Variants in RPS6KC1 observed in about 807,000 individuals in gnomAD.
The protein encoded by RPS6KC1 is ribosomal protein S6 kinase C1.
RPS6KC1 carries 54 observed loss-of-function variants against 103.8 expected under a neutral mutation model. That is an observed-to-expected ratio of 0.52 (90% CI 0.42 to 0.65). The LOEUF (loss-of-function observed/expected upper bound fraction) is 0.65, where lower values mean the gene tolerates loss of function less well. Among genes scored for constraint, RPS6KC1 ranks in the 30% least tolerant of loss-of-function variants. The pLI is 0.00. For missense variants in RPS6KC1, 1,151 were observed against 1,253.8 expected, an observed-to-expected ratio of 0.92 and a Z score of 1.24; for synonymous variants, 439 against 438.7, an observed-to-expected ratio of 1.00 and a Z score of -0.01.
At chr1:213,424,374 GA>G in the RPS6KC1 span, among the ~76,000 whole-genome samples, 1 of 152,032 alleles carries the variant, frequency 6.6e-6, no homozygotes, top group Non-Finnish European at 1.5e-5. Flanking sequence ...CTACACACAT[GA>G]AAAAAAAGTA....
intron 1 of RPS6KC1, among the ~76,000 whole-genome samples, chr1:213,063,076 G>A (rs1202562996): frequency 6.6e-6 from 1 of 152,156 alleles, no homozygotes; most frequent in African/African-American, 2.4e-5. Flanking sequence ...CTTTGTTTTA[G>A]TACTGAGCTG....
chr1:213,415,192 C>G, the RPS6KC1 span, among the ~76,000 whole-genome samples: 1 of 152,256 alleles, frequency 6.6e-6, no homozygotes, highest in Admixed American at 6.5e-5. Flanking sequence ...GGGCCAAACA[C>G]TTTTCCTAAG....
chr1:213,708,767 T>C, the RPS6KC1 span, among the ~76,000 whole-genome samples: 1 of 152,224 alleles, frequency 6.6e-6, no homozygotes, highest in East Asian at 1.9e-4. Context: ...TGAAGCGGTG[T>C]TGAATTTTAT....
At chr1:213,195,837 T>C (rs979108727) in intron 8 of RPS6KC1, among the ~76,000 whole-genome samples, 1 of 150,978 alleles carries the variant, frequency 6.6e-6, no homozygotes, top group Non-Finnish European at 1.5e-5. Context: ...TGTGTGTGTG[T>C]GTGTGTGTGT....
chr1:213,404,177 C>G, the RPS6KC1 span, among the ~76,000 whole-genome samples: 1 of 152,150 alleles, frequency 6.6e-6, no homozygotes, highest in East Asian at 1.9e-4. Context: ...AGGGGGCTGC[C>G]TTTCCACCTT....
chr1:213,784,399 T>C, the RPS6KC1 span, among the ~76,000 whole-genome samples: 2 of 152,228 alleles, frequency 1.3e-5, no homozygotes, highest in Non-Finnish European at 2.9e-5. Context: ...TCCAGTGATT[T>C]GGTTTCTCCC....
At chr1:213,146,887 C>T (rs942260437) in intron 6 of RPS6KC1, among the ~76,000 whole-genome samples, 3 of 152,086 alleles carry the variant, frequency 2.0e-5, no homozygotes, top group Non-Finnish European at 1.5e-5. Flanking sequence ...GGATATAAGC[C>T]ATTTTAACTG....
chr1:213,430,731 A>G, the RPS6KC1 span, among the ~76,000 whole-genome samples: 1 of 152,212 alleles, frequency 6.6e-6, no homozygotes, highest in East Asian at 1.9e-4. Flanking sequence ...ATGCCATTAT[A>G]TTTGGTAAAA....
At chr1:213,640,315 A>T in the RPS6KC1 span, among the ~76,000 whole-genome samples, 3 of 151,354 alleles carry the variant, frequency 2.0e-5, no homozygotes, top group South Asian at 6.3e-4. Flanking sequence ...GTCTTCCTAG[A>T]TGCTTATCCA....
chr1:213,689,582 G>A, the RPS6KC1 span, among the ~76,000 whole-genome samples: 1,141 of 152,266 alleles, frequency 7.5e-3, 21 homozygotes, highest in East Asian at 0.065. Context: ...TTAAACTCAG[G>A]AAAGCCCTCA....
At chr1:213,386,518 C>T in the RPS6KC1 span, among the ~76,000 whole-genome samples, 4,852 of 152,242 alleles carry the variant, frequency 0.032, 131 homozygotes, top group Non-Finnish European at 0.036. Flanking sequence ...CTGTTTGTAT[C>T]GCAGTGGGGC....
chr1:213,687,712 G>A, the RPS6KC1 span, among the ~76,000 whole-genome samples: 3 of 152,090 alleles, frequency 2.0e-5, no homozygotes, highest in African/African-American at 4.8e-5. Flanking sequence ...ATAAGTATAT[G>A]GAAAACTAAA....
the RPS6KC1 span, among the ~76,000 whole-genome samples, chr1:213,426,778 A>G: frequency 6.6e-6 from 1 of 152,222 alleles, no homozygotes; most frequent in Admixed American, 6.5e-5. Context: ...TCAACATTTA[A>G]TTGTGATATG....
chr1:213,669,347 G>T, the RPS6KC1 span, among the ~76,000 whole-genome samples: 13 of 152,156 alleles, frequency 8.5e-5, no homozygotes, highest in Non-Finnish European at 8.8e-5. Flanking sequence ...ACTGAGGCGA[G>T]GGGAGAGAGA....
In RPS6KC1 at chr1:213,182,205, A is replaced by G. The variant is rs149248612; in HGVS notation, c.1044+5713A>G. ...TTTAAAGTATACACTAAAAAATGCT[A>G]TATAGGTTGGGTGCAGTGGCTCACA... On this transcript the variant is annotated intron_variant, in intron 8 of 14. Transcript: ENST00000366960. Among the ~76,000 whole-genome samples the G allele has an allele frequency of 2.9e-3, 446 of 152,304 alleles. 1 individual carries two copies. The highest frequency in any genetic ancestry group is 9.3e-3 in the African/African-American group (388 of 41,570).
chr1:213,810,302 C>T, the RPS6KC1 span, among the ~76,000 whole-genome samples: 13 of 152,266 alleles, frequency 8.5e-5, no homozygotes, highest in African/African-American at 2.9e-4. Flanking sequence ...AGGAAGAAGA[C>T]TAGTTCCTGG....
chr1:213,529,060 C>T, the RPS6KC1 span, among the ~76,000 whole-genome samples: 8 of 152,184 alleles, frequency 5.3e-5, no homozygotes, highest in Non-Finnish European at 5.9e-5. Context: ...TGAGCAAAAT[C>T]AGGCACAATT....
At chr1:213,630,515 T>C in the RPS6KC1 span, among the ~76,000 whole-genome samples, 204 of 152,316 alleles carry the variant, frequency 1.3e-3, no homozygotes, top group Non-Finnish European at 2.2e-3. Flanking sequence ...TTCTTTGCCA[T>C]GGGTTCGAAC....
chr1:213,109,556 GT>G (rs200911939), intron 4 of RPS6KC1, among the ~76,000 whole-genome samples: 32 of 150,876 alleles, frequency 2.1e-4, no homozygotes, highest in South Asian at 8.4e-4. Flanking sequence ...GAATTAAACT[GT>G]TTTTTTTTCC....
Sources: gnomAD v4.1 joint callset for allele counts (sites outside exome capture counted in the v4.1 genomes callset) on GRCh38, gnomAD v4.1.1 for gene constraint, MANE v1.5 for transcripts, NCBI Gene and HGNC (gene_info 2026-07-23, HGNC 2026-07-21) for gene names.